INPP5D: variants seen among roughly 807,000 people sequenced by gnomAD.
INPP5D encodes the protein inositol polyphosphate-5-phosphatase D, also known as phosphatidylinositol 3,4,5-trisphosphate 5-phosphatase 1.
In INPP5D, 33 loss-of-function variants were observed where a neutral mutation model predicts 122.9. The ratio of observed to expected loss-of-function variants is 0.27; its 90% CI spans 0.20 to 0.36. The LOEUF is 0.36. Ranked by LOEUF, INPP5D falls within the 10% of genes least tolerant of loss-of-function variation. The probability of loss-of-function intolerance (pLI) is 1.00; values close to 1 mark genes in which losing one functional copy is unlikely to be tolerated. For synonymous variants in INPP5D, 584 were observed against 576.2 expected, an observed-to-expected ratio of 1.01 and a Z score of -0.19; for missense variants, 1,053 against 1,412.7, an observed-to-expected ratio of 0.75 and a Z score of 4.08.
At chr2:233,138,407 A>C (rs10202748) in intron 5 of INPP5D, among the ~76,000 whole-genome samples, 56,050 of 151,816 alleles carry the variant, frequency 0.37, 11,725 homozygotes, top group Non-Finnish European at 0.46. Context: ...GAGAAAAAAC[A>C]AAAAAGTTTA....
chr2:233,081,798 G>A (rs1691698088), intron 2 of INPP5D, among the ~76,000 whole-genome samples: 1 of 152,128 alleles, frequency 6.6e-6, no homozygotes, highest in Non-Finnish European at 1.5e-5. Context: ...CCATGGATCA[G>A]CTCTTCTCTG....
intron 17 of INPP5D, among the ~76,000 whole-genome samples, chr2:233,172,085 G>A (rs1300980764): frequency 3.9e-5 from 6 of 152,210 alleles, no homozygotes; most frequent in Admixed American, 6.5e-5. Context: ...AGGAGATCCC[G>A]GACTGCTGTC....
intron 17 of INPP5D, among the ~76,000 whole-genome samples, chr2:233,174,863 CTA>C (rs909099064): frequency 2.0e-4 from 30 of 150,734 alleles, no homozygotes; most frequent in African/African-American, 6.8e-4. Flanking sequence ...TGCACCTATT[CTA>C]TGATTCAGTA....
chr2:233,094,171 A>G (rs190978106), intron 2 of INPP5D, among the ~76,000 whole-genome samples: 36 of 152,032 alleles, frequency 2.4e-4, no homozygotes, highest in Admixed American at 1.4e-3. Flanking sequence ...TTTTGGATAT[A>G]TTGGGTTAAA....
chr2:233,107,673 C>A (rs1381673250), intron 2 of INPP5D, among the ~76,000 whole-genome samples: 2 of 152,122 alleles, frequency 1.3e-5, no homozygotes, highest in African/African-American at 4.8e-5. Context: ...CCCAGCTCCA[C>A]TAGTGCCAGG....
In INPP5D at chr2:233,177,483, G is replaced by C. The variant is rs987637751; in HGVS notation, c.2071+137G>C. The C allele has an allele frequency of 7.0e-7, 1 of 1,422,498 alleles. No individual in the cohort carries two copies. 88.1% of individuals were successfully genotyped at this position (1,422,498 alleles called of 1,614,324 possible). A position where few individuals can be genotyped will look rare whatever the true frequency, so the allele number is the denominator to read the frequency against. On this transcript the variant is annotated intron_variant, in intron 18 of 26. Transcript: ENST00000445964. The surrounding 1 kb of genome is among the most constrained non-coding windows in gnomAD (Gnocchi z 4.2). ...GAATTCACTGTAACCCTAATCAGGC[G>C]ACCTGGAAATGTTGATGCTTCCCTG...
At chr2:233,097,278 G>A (rs202179410) in intron 2 of INPP5D, among the ~76,000 whole-genome samples, 3 of 152,084 alleles carry the variant, frequency 2.0e-5, no homozygotes, top group East Asian at 3.8e-4. Context: ...GGCAGACTAA[G>A]TTCCCATTTA....
chr2:233,083,917 A>G (rs1464018972), intron 2 of INPP5D, among the ~76,000 whole-genome samples: 1 of 152,230 alleles, frequency 6.6e-6, no homozygotes, highest in African/African-American at 2.4e-5. Context: ...GGAATAAAGC[A>G]GAAAATTAGA....
chr2:233,065,580 C>CTTCTTTCTTTCTTTCT (rs66533229), intron 1 of INPP5D, among the ~76,000 whole-genome samples: 9 of 13,258 alleles, frequency 6.8e-4, no homozygotes, highest in Admixed American at 1.0e-3. Flanking sequence ...TCTTTCTTTC[C>CTTCTTTCTTTCTTTCT]TTCTTTCTTT....
chr2:233,089,955 C>T (rs182633964), intron 2 of INPP5D, among the ~76,000 whole-genome samples: 225 of 152,332 alleles, frequency 1.5e-3, no homozygotes, highest in Middle Eastern at 0.014. Context: ...CTCTGAGAGG[C>T]GCCCAGTCCC....
chr2:233,186,684 C>CTTTTTTTTTTTTTTTTTTTTTTTTTTTT (rs144243823), intron 21 of INPP5D, among the ~76,000 whole-genome samples: 2 of 44,536 alleles, frequency 4.5e-5, no homozygotes, highest in Non-Finnish European at 8.6e-5. Flanking sequence ...TTTTCTCTTT[C>CTTTTTTTTTTTTTTTTTTTTTTTTTTTT]TTTTTTTTTT....
At chr2:233,073,135 G>A (rs1485406510) in intron 1 of INPP5D, among the ~76,000 whole-genome samples, 1 of 152,210 alleles carries the variant, frequency 6.6e-6, no homozygotes, top group Non-Finnish European at 1.5e-5. Context: ...GCAGCCCCCG[G>A]AGATTTGCTG....
At chr2:233,154,112 C>T (rs941348978) in intron 9 of INPP5D, among the ~76,000 whole-genome samples, 1 of 152,082 alleles carries the variant, frequency 6.6e-6, no homozygotes. Context: ...GGACAGGAAA[C>T]AGGGGACACA....
intron 1 of INPP5D, among the ~76,000 whole-genome samples, chr2:233,077,721 G>GTGA (rs1559277169): frequency 6.7e-6 from 1 of 150,204 alleles, no homozygotes; most frequent in Non-Finnish European, 1.5e-5. Flanking sequence ...TTAGCCAAGT[G>GTGA]TGATGGCAGG....
intron 5 of INPP5D, among the ~76,000 whole-genome samples, chr2:233,137,274 G>A (rs1224213636): frequency 1.3e-5 from 2 of 151,840 alleles, no homozygotes; most frequent in Non-Finnish European, 1.5e-5. Context: ...CTGTAATTTT[G>A]CAGTAGATTA....
At chr2:233,065,575 C>CT in intron 1 of INPP5D, among the ~76,000 whole-genome samples, 1 of 22,788 alleles carries the variant, frequency 4.4e-5, no homozygotes, top group Non-Finnish European at 9.0e-5. Flanking sequence ...TTCTTTCTTT[C>CT]TTTCCTTCTT....
At chr2:233,114,024 C>A (rs192998139) in intron 2 of INPP5D, among the ~76,000 whole-genome samples, 2 of 151,812 alleles carry the variant, frequency 1.3e-5, no homozygotes, top group Non-Finnish European at 2.9e-5. Flanking sequence ...CATTCTCCTG[C>A]TTCAGCCTCC....
chr2:233,173,931 A>C (rs7597763), intron 17 of INPP5D, among the ~76,000 whole-genome samples: 49,133 of 151,094 alleles, frequency 0.33, 10,033 homozygotes, highest in Non-Finnish European at 0.45. Context: ...GTCTCAAAAA[A>C]AAAAACAAAA....
At chr2:233,109,631 T>A (rs1692560049) in intron 2 of INPP5D, among the ~76,000 whole-genome samples, 1 of 152,146 alleles carries the variant, frequency 6.6e-6, no homozygotes, top group Non-Finnish European at 1.5e-5. Context: ...CAGGCTGGAG[T>A]ACAATGGCGC....
Sources: allele counts gnomAD v4.1 joint callset (sites outside exome capture counted in the v4.1 genomes callset), GRCh38; gene constraint gnomAD v4.1.1; non-coding constraint Gnocchi (gnomAD v3.1); transcripts MANE v1.5; gene names NCBI Gene and HGNC (gene_info 2026-07-23, HGNC 2026-07-21).